The following LRRC4C variants were observed in gnomAD, a reference collection of about 807,000 sequenced individuals.
LRRC4C encodes leucine rich repeat containing 4C, also known as leucine-rich repeat-containing protein 4C.
In LRRC4C, 5 loss-of-function variants were observed where a neutral mutation model predicts 33.6. The ratio of observed to expected loss-of-function variants is 0.15; its 90% CI spans 0.08 to 0.31. The LOEUF (loss-of-function observed/expected upper bound fraction) is 0.31, where lower values mean the gene tolerates loss of function less well. Ranked by LOEUF, LRRC4C falls within the 10% of genes least tolerant of loss-of-function variation. The pLI, the probability that LRRC4C is intolerant of heterozygous loss-of-function variation, is 1.00. For synonymous variants in LRRC4C, 329 were observed against 302.0 expected (o/e 1.09, Z -0.93); for missense variants, 560 against 796.7 (o/e 0.70, Z 3.58).
chr11:40,695,012 A>C (rs1945420848), intron 2 of LRRC4C, among the ~76,000 whole-genome samples: 2 of 151,596 alleles, frequency 1.3e-5, no homozygotes, highest in African/African-American at 4.9e-5. Flanking sequence ...TTTTGCCTTA[A>C]GTATCTATTG....
intron 5 of LRRC4C, among the ~76,000 whole-genome samples, chr11:40,181,265 C>T (rs115262119): frequency 0.016 from 2,478 of 152,112 alleles, 73 homozygotes; most frequent in African/African-American, 0.057. Context: ...ATGCATAACA[C>T]CACATATATT....
chr11:40,915,734 G>T (rs577600664), intron 2 of LRRC4C, among the ~76,000 whole-genome samples: 3 of 152,234 alleles, frequency 2.0e-5, no homozygotes, highest in East Asian at 3.9e-4. Flanking sequence ...CACAGCAAAA[G>T]AAACTACCAT....
intron 1 of LRRC4C, among the ~76,000 whole-genome samples, chr11:40,989,237 T>C (rs1853324747): frequency 6.6e-6 from 1 of 152,216 alleles, no homozygotes; most frequent in African/African-American, 2.4e-5. Context: ...AATATATGCA[T>C]TGCTCATTAG....
chr11:40,722,692 A>G (rs565562752), intron 2 of LRRC4C, among the ~76,000 whole-genome samples: 1 of 152,328 alleles, frequency 6.6e-6, no homozygotes, highest in Admixed American at 6.5e-5. Context: ...AGAAATTCAA[A>G]AAGTCAGAGT....
intron 4 of LRRC4C, among the ~76,000 whole-genome samples, chr11:40,313,192 C>T (rs1945400457): frequency 6.6e-6 from 1 of 152,034 alleles, no homozygotes; most frequent in Admixed American, 6.5e-5. Context: ...AGTTTTTACT[C>T]CTCGCCTCCT....
At chr11:40,817,059 C>T (rs906541805) in intron 2 of LRRC4C, among the ~76,000 whole-genome samples, 2 of 152,140 alleles carry the variant, frequency 1.3e-5, no homozygotes, top group Admixed American at 6.6e-5. Flanking sequence ...ATAATGACAG[C>T]TGTCTCTGTT....
At chr11:40,571,900 G>T (rs1424037857) in intron 3 of LRRC4C, among the ~76,000 whole-genome samples, 1 of 152,174 alleles carries the variant, frequency 6.6e-6, no homozygotes, top group Non-Finnish European at 1.5e-5. Flanking sequence ...CTCTAAAGCA[G>T]TGGCACATCT....
intron 2 of LRRC4C, among the ~76,000 whole-genome samples, chr11:40,693,975 G>T (rs1025614914): frequency 9.9e-5 from 15 of 152,046 alleles, no homozygotes; most frequent in Non-Finnish European, 1.8e-4. Flanking sequence ...TTTGCCCTGC[G>T]GGGTGTAAAC....
At chr11:40,947,048 C>T (rs954841490) in intron 1 of LRRC4C, among the ~76,000 whole-genome samples, 2 of 151,966 alleles carry the variant, frequency 1.3e-5, no homozygotes, top group African/African-American at 4.8e-5. Flanking sequence ...AGGCAGAAGT[C>T]GTACATTTTT....
chr11:41,004,449 T>A (rs1391417125), intron 1 of LRRC4C, among the ~76,000 whole-genome samples: 1 of 152,178 alleles, frequency 6.6e-6, no homozygotes, highest in Non-Finnish European at 1.5e-5. Flanking sequence ...TGAGAAAGGG[T>A]TAAAATTTCT....
chr11:40,717,629 C>T (rs536558531), intron 2 of LRRC4C, among the ~76,000 whole-genome samples: 1 of 152,132 alleles, frequency 6.6e-6, no homozygotes, highest in East Asian at 1.9e-4. Flanking sequence ...CCTGTAGGTA[C>T]CAGTCACTGC....
At chr11:40,820,738 A>G (rs1239083185) in intron 2 of LRRC4C, among the ~76,000 whole-genome samples, 1 of 151,862 alleles carries the variant, frequency 6.6e-6, no homozygotes, top group Non-Finnish European at 1.5e-5. Context: ...AAATCCTGTC[A>G]TTCTAACATT....
intron 5 of LRRC4C, among the ~76,000 whole-genome samples, chr11:40,196,780 GATCT>G (rs1372431783): frequency 1.3e-5 from 2 of 152,114 alleles, no homozygotes; most frequent in Non-Finnish European, 2.9e-5. Context: ...CATATTAAAA[GATCT>G]ATTACTCTGT....
intron 1 of LRRC4C, among the ~76,000 whole-genome samples, chr11:41,314,331 AT>A (rs1950723558): frequency 6.6e-6 from 1 of 152,176 alleles, no homozygotes; most frequent in South Asian, 2.1e-4. Flanking sequence ...AACTGTTATA[AT>A]AATGTTAATA....
At chr11:40,156,604 C>CA (rs949869992) in intron 5 of LRRC4C, among the ~76,000 whole-genome samples, 3 of 151,630 alleles carry the variant, frequency 2.0e-5, no homozygotes, top group East Asian at 3.9e-4. Context: ...ACAATGGCTG[C>CA]AAAAAAACCA....
intron 1 of LRRC4C, among the ~76,000 whole-genome samples, chr11:41,342,730 T>A (rs376111749): frequency 1.6e-4 from 24 of 151,894 alleles, no homozygotes; most frequent in Admixed American, 2.6e-4. Context: ...CAAACAAATA[T>A]ACAAACAAAC....
intron 1 of LRRC4C, among the ~76,000 whole-genome samples, chr11:41,434,089 T>TGG (rs1955339171): frequency 6.6e-6 from 1 of 152,106 alleles, no homozygotes; most frequent in African/African-American, 2.4e-5. Flanking sequence ...TAGACCTAGT[T>TGG]ACCCAAGTCA....
intron 1 of LRRC4C, among the ~76,000 whole-genome samples, chr11:41,409,756 T>C (rs1954388942): frequency 6.6e-6 from 1 of 152,144 alleles, no homozygotes; most frequent in South Asian, 2.1e-4. Context: ...TTTCTTATGG[T>C]CTGTATAATA....
At chr11:40,589,972 C>T (rs563131695) in intron 3 of LRRC4C, among the ~76,000 whole-genome samples, 1 of 151,284 alleles carries the variant, frequency 6.6e-6, no homozygotes, top group African/African-American at 2.4e-5. Flanking sequence ...TTGCTCTTCT[C>T]GAGGAGTATC....
Sources: gnomAD v4.1 joint callset for allele counts (sites outside exome capture counted in the v4.1 genomes callset) on GRCh38, gnomAD v4.1.1 for gene constraint, MANE v1.5 for transcripts, NCBI Gene and HGNC (gene_info 2026-07-23, HGNC 2026-07-21) for gene names.